Variants in PCDHA5 observed in about 807,000 individuals in gnomAD.
PCDHA5 encodes protocadherin alpha 5.
In PCDHA5, 43 loss-of-function variants were observed where a neutral mutation model predicts 61.6. The observed-to-expected ratio is 0.70, with a 90% CI of 0.55 to 0.90. The LOEUF is 0.90. PCDHA5 is among the 40% of genes least tolerant of loss of function. The pLI is 0.00. For missense variants in PCDHA5, 1,298 were observed against 1,222.7 expected, an observed-to-expected ratio of 1.06 and a Z score of -0.92; for synonymous variants, 627 against 543.9, an observed-to-expected ratio of 1.15 and a Z score of -2.13.
intron 1 of PCDHA5, among the ~76,000 whole-genome samples, chr5:140,942,504 G>C (rs2093309107): frequency 6.6e-6 from 1 of 151,936 alleles, no homozygotes; most frequent in Admixed American, 6.6e-5. Flanking sequence ...ATGGTATCTA[G>C]GAAACTCAGA....
chr5:140,927,203 C>G (rs782141467), intron 1 of PCDHA5: 1 of 1,614,104 alleles, frequency 6.2e-7, no homozygotes, highest in Admixed American at 1.7e-5. Context: ...CTCGAGGACC[C>G]GCTGGAGCTG....
At chr5:140,898,133 G>T (rs2153459320) in intron 1 of PCDHA5, among the ~76,000 whole-genome samples, 1 of 152,202 alleles carries the variant, frequency 6.6e-6, no homozygotes, top group African/African-American at 2.4e-5. Flanking sequence ...CTCCCATTTT[G>T]TAGGTTGCCT....
At position 140,859,256 on chromosome 5, in the gene PCDHA5, G is replaced by T. The variant is rs182882850; in HGVS notation, c.2352+35129G>T. ...TCATGCTTATGTTTAATAATGAAGA[G>T]AATTTGAACACTTTTTACTTTTGAG... is the stretch of plus-strand genomic sequence containing the variant. On this transcript the variant is annotated intron_variant, in intron 1 of 3. Coordinates refer to ENST00000529859, the MANE Select transcript of PCDHA5 (RefSeq NM_018908.3). The T allele has an allele frequency of 2.0e-4, 26 of 131,456 alleles. 1 individual carries two copies. The East Asian group carries it at 5.2e-3, about 26-fold the overall frequency. The allele number at this position is 131,456 out of a possible 1,614,324, so 8.1% of individuals were successfully genotyped here.
chr5:140,930,794 T>G (rs2087114829), intron 1 of PCDHA5, among the ~76,000 whole-genome samples: 1 of 152,200 alleles, frequency 6.6e-6, no homozygotes, highest in Non-Finnish European at 1.5e-5. Context: ...TATAATAGAA[T>G]CCAGCATATA....
chr5:140,870,833 A>G (rs782800341), intron 1 of PCDHA5: 3 of 1,613,654 alleles, frequency 1.9e-6, no homozygotes, highest in Admixed American at 3.3e-5. Context: ...GGCGCAGTTA[A>G]CAAGCTAGTA....
chr5:140,829,810 T>G (rs144082627), intron 1 of PCDHA5: 1 of 1,613,750 alleles, frequency 6.2e-7, no homozygotes, highest in African/African-American at 1.3e-5. Flanking sequence ...TGGGTGGTAC[T>G]GGTGGTGCAG....
intron 1 of PCDHA5, among the ~76,000 whole-genome samples, chr5:140,922,214 C>T (rs1554200731): frequency 1.3e-5 from 2 of 152,004 alleles, no homozygotes; most frequent in African/African-American, 4.8e-5. Context: ...CTTTGTAAAA[C>T]ATTTGAACCT....
rs536640692 is a variant in PCDHA5 at position 140,927,687 on chromosome 5, T to TG, written c.2353-51258dup. ...CCTTGGATCCAGATGAAGGGTCCAATGGGGAAGTCCAGTACTCCCTAAGCA... is the reference window on the plus strand; with the variant it reads ...CCTTGGATCCAGATGAAGGGTCCAATGGGGGAAGTCCAGTACTCCCTAAGCA... On this transcript the variant is annotated intron_variant, in intron 1 of 3. Coordinates refer to ENST00000529859, the MANE Select transcript of PCDHA5 (RefSeq NM_018908.3). The TG allele has an allele frequency of 3.2e-4, 518 of 1,614,158 alleles. 3 individuals carry two copies. In the Middle Eastern group the frequency reaches 0.011, roughly 35 times the overall value.
chr5:140,962,516 A>C (rs1554226093), intron 1 of PCDHA5, among the ~76,000 whole-genome samples: 1 of 152,208 alleles, frequency 6.6e-6, no homozygotes, highest in Non-Finnish European at 1.5e-5. Flanking sequence ...ACTATCAATA[A>C]TATATTAGTT....
chr5:140,979,292 C>T (rs1449910823), intron 2 of PCDHA5, among the ~76,000 whole-genome samples: 1 of 151,814 alleles, frequency 6.6e-6, no homozygotes, highest in African/African-American at 2.4e-5. Flanking sequence ...GTAATTTCAA[C>T]CTCCTTCATC....
intron 1 of PCDHA5, chr5:140,968,530 A>G (rs1554230830): frequency 6.2e-7 from 1 of 1,614,174 alleles, no homozygotes; most frequent in East Asian, 2.2e-5. Context: ...CCAACTCGTC[A>G]GCAGCCTTCG....
intron 1 of PCDHA5, chr5:140,849,050 CAA>C: frequency 6.4e-7 from 1 of 1,560,214 alleles, no homozygotes. Context: ...TGCCAACCAG[CAA>C]CCAGCAGGTA....
At chr5:140,841,171 GGTCAATGTT>G (rs1175788362) in intron 1 of PCDHA5, 24 of 993,568 alleles carry the variant, frequency 2.4e-5, no homozygotes, top group Non-Finnish European at 2.9e-5. Flanking sequence ...AGTTCTGGTT[GGTCAATGTT>G]CAAAGTCTTT....
At position 140,969,448 on chromosome 5, in the gene PCDHA5, G is replaced by A. The variant is rs781843317; in HGVS notation, c.2353-9501G>A. 468 of 1,537,938 alleles carry A rather than the reference G, an allele frequency of 3.0e-4. 1 individual carries two copies. Among genetic ancestry groups the A allele is most frequent in the Non-Finnish European group, 4.0e-4 (459 of 1,139,778 alleles). On this transcript the variant is annotated intron_variant, in intron 1 of 3. Coordinates refer to ENST00000529859, the MANE Select transcript of PCDHA5 (RefSeq NM_018908.3). ...AGTGACAAGAGTTATCTGGTAAACT[G>A]AGTATATATAGTATCCACAATTTGA...
chr5:140,840,456 A>C (rs1776712177), intron 1 of PCDHA5, among the ~76,000 whole-genome samples: 1 of 151,992 alleles, frequency 6.6e-6, no homozygotes, highest in African/African-American at 2.4e-5. Flanking sequence ...ACGTTAAATA[A>C]AAAGTTGGGG....
chr5:140,828,502 A>G (rs1418351723), intron 1 of PCDHA5: 1 of 1,614,104 alleles, frequency 6.2e-7, no homozygotes, highest in African/African-American at 1.3e-5. Context: ...CGGTAGAGGA[A>G]CAAAGAGTGC....
chr5:140,941,211 CTTCCTTTCTTT>C (rs782043135), intron 1 of PCDHA5, among the ~76,000 whole-genome samples: 8,933 of 129,680 alleles, frequency 0.069, 349 homozygotes, highest in Non-Finnish European at 0.093. Flanking sequence ...TCCTTTCTTT[CTTCCTTTCTTT>C]CTTTCTTTCT....
chr5:140,882,505 G>A (rs782409687), intron 1 of PCDHA5: 13 of 1,614,168 alleles, frequency 8.1e-6, no homozygotes, highest in South Asian at 2.2e-5. Flanking sequence ...AGGTAAATCT[G>A]CAGAATGGCA....
chr5:140,836,527 T>A (rs781797304), intron 1 of PCDHA5: 1 of 1,613,732 alleles, frequency 6.2e-7, no homozygotes, highest in African/African-American at 1.3e-5. Flanking sequence ...GTGCTTACCC[T>A]GCTGCTGTAC....
Sources: gnomAD v4.1 joint callset for allele counts (sites outside exome capture counted in the v4.1 genomes callset) on GRCh38, gnomAD v4.1.1 for gene constraint, MANE v1.5 for transcripts, NCBI Gene and HGNC (gene_info 2026-07-23, HGNC 2026-07-21) for gene names.